ZMIZ1: variants seen among roughly 807,000 people sequenced by gnomAD.
ZMIZ1 encodes the protein zinc finger MIZ domain-containing protein 1.
ZMIZ1 carries 17 observed loss-of-function variants against 113.9 expected under a neutral mutation model. That is an observed-to-expected ratio of 0.15 (90% CI 0.10 to 0.22). The LOEUF is 0.22. Among genes scored for constraint, ZMIZ1 ranks in the 10% least tolerant of loss-of-function variants. The probability of loss-of-function intolerance (pLI) is 1.00; values close to 1 mark genes in which losing one functional copy is unlikely to be tolerated. For synonymous variants in ZMIZ1, 607 were observed against 603.1 expected (o/e 1.01, Z -0.09); for missense variants, 1,059 against 1,477.8 (o/e 0.72, Z 4.65).
chr10:79,259,620 T>C (rs1012282249), intron 7 of ZMIZ1, among the ~76,000 whole-genome samples: 2 of 150,586 alleles, frequency 1.3e-5, no homozygotes, highest in East Asian at 1.9e-4. Context: ...TCACCTTCTT[T>C]TTTTTTTTTT....
intron 8 of ZMIZ1, among the ~76,000 whole-genome samples, chr10:79,288,896 A>G (rs1853274989): frequency 6.6e-6 from 1 of 152,170 alleles, no homozygotes; most frequent in Non-Finnish European, 1.5e-5. Flanking sequence ...GATGTCCACA[A>G]ACGTGGTGGG....
At chr10:79,289,441 G>A (rs1020880992) in intron 8 of ZMIZ1, among the ~76,000 whole-genome samples, 15 of 152,188 alleles carry the variant, frequency 9.9e-5, no homozygotes, top group South Asian at 6.2e-4. Flanking sequence ...GTCAGAGCCC[G>A]GGTGAAGGAG....
Position 79,316,247 on chromosome 10 carries a change from A to G in ZMIZ1, c.*3498A>G, listed in dbSNP as rs1855527335. The G allele has an allele frequency of 6.6e-6, 1 of 152,610 alleles. No individual in the cohort carries two copies. Among genetic ancestry groups the G allele is most frequent in the South Asian group, 2.1e-4 (1 of 4,836 alleles). 9.5% of individuals were successfully genotyped at this position (152,610 alleles called of 1,614,324 possible). On this transcript the variant is annotated 3_prime_UTR_variant, in exon 25 of 25. Transcript: ENST00000334512. ...ATCGTCTTTGTACATCGTATGTACA[A>G]TGCAATCATTTCATACTTTAAACTG...
At chr10:79,289,342 C>G (rs749859627) in intron 8 of ZMIZ1, among the ~76,000 whole-genome samples, 1 of 152,164 alleles carries the variant, frequency 6.6e-6, no homozygotes, top group Admixed American at 6.5e-5. Flanking sequence ...AGACTCGGAC[C>G]CTTCCAGCCT....
At chr10:79,070,836 G>GCCTC (rs34754058) in intron 1 of ZMIZ1, among the ~76,000 whole-genome samples, 8,359 of 150,040 alleles carry the variant, frequency 0.056, 369 homozygotes, top group East Asian at 0.17. Flanking sequence ...CTGCCCGCCT[G>GCCTC]CCTCCCTCCC....
chr10:79,154,400 C>T (rs1845823089), intron 3 of ZMIZ1, among the ~76,000 whole-genome samples: 1 of 152,100 alleles, frequency 6.6e-6, no homozygotes, highest in Non-Finnish European at 1.5e-5. Flanking sequence ...GGGCAGCCCT[C>T]AGAAGCATAG....
chr10:79,305,437 CA>C (rs1282598883), intron 20 of ZMIZ1, 95 bp from the exon 21 acceptor site: 5 of 1,402,114 alleles, frequency 3.6e-6, no homozygotes, highest in African/African-American at 1.4e-5. Context: ...TAACCAGCAG[CA>C]GGGGTGGGAC....
At chr10:79,165,242 C>G (rs1319052568) in intron 4 of ZMIZ1, among the ~76,000 whole-genome samples, 1 of 152,160 alleles carries the variant, frequency 6.6e-6, no homozygotes, top group Non-Finnish European at 1.5e-5. Context: ...GTTCTCCAAG[C>G]CTTCCTCCCC....
chr10:79,201,743 G>A, intron 5 of ZMIZ1, 51 bp downstream of exon 5: 1 of 1,595,812 alleles, frequency 6.3e-7, no homozygotes, highest in Non-Finnish European at 8.5e-7. Context: ...GGGGCGGGCT[G>A]CAGCAGCAGG....
rs57304757 is a variant in ZMIZ1 at position 79,114,506 on chromosome 10, C to CGTGTGTGTGTGT, written c.-336-4385_-336-4374dup. 8.6e-3 allele frequency among the ~76,000 whole-genome samples: 798 copies of CGTGTGTGTGTGT among 93,210 alleles called. 29 individuals are homozygous for CGTGTGTGTGTGT. Among genetic ancestry groups the CGTGTGTGTGTGT allele is most frequent in the African/African-American group, 0.035 (744 of 21,470 alleles). 61.1% of individuals were successfully genotyped at this position (93,210 alleles called of 152,430 possible). On this transcript the variant is annotated intron_variant, in intron 1 of 24. Coordinates refer to ENST00000334512, the MANE Select transcript of ZMIZ1 (RefSeq NM_020338.4). ...GTGTGTGTGTGTGCGTGTGTGTGTG[C>CGTGTGTGTGTGT]GTGTGTGTGTGTGTGTGTGTGTGTG... is the stretch of plus-strand genomic sequence containing the variant.
intron 23 of ZMIZ1, among the ~76,000 whole-genome samples, chr10:79,309,511 G>C (rs942790): frequency 0.79 from 119,874 of 152,132 alleles, 47,744 homozygotes; most frequent in African/African-American, 0.88. Flanking sequence ...GTCTCCAGCA[G>C]CACCGTTGCG....
intron 5 of ZMIZ1, among the ~76,000 whole-genome samples, chr10:79,205,474 C>G (rs1482274482): frequency 6.6e-6 from 1 of 152,230 alleles, no homozygotes; most frequent in Non-Finnish European, 1.5e-5. Flanking sequence ...GAGGCTGTTT[C>G]TCCCCTCAGG....
At chr10:79,236,233 C>G (rs1001778728) in intron 7 of ZMIZ1, among the ~76,000 whole-genome samples, 1 of 152,206 alleles carries the variant, frequency 6.6e-6, no homozygotes, top group African/African-American at 2.4e-5. Flanking sequence ...TCACTTTCTT[C>G]CGCTGCAAAG....
chr10:79,085,762 AT>A (rs1474432910), intron 1 of ZMIZ1, among the ~76,000 whole-genome samples: 1 of 152,214 alleles, frequency 6.6e-6, no homozygotes, highest in Non-Finnish European at 1.5e-5. Flanking sequence ...TGAGACTCTT[AT>A]TCTGGGAATG....
intron 4 of ZMIZ1, among the ~76,000 whole-genome samples, chr10:79,163,266 C>A (rs976021833): frequency 4.6e-5 from 7 of 152,232 alleles, no homozygotes; most frequent in African/African-American, 1.4e-4. Flanking sequence ...GCCAGGCGAG[C>A]CTCAGTCAAG....
At chr10:79,303,021 C>G (rs528788409) in intron 18 of ZMIZ1, among the ~76,000 whole-genome samples, 1 of 152,180 alleles carries the variant, frequency 6.6e-6, no homozygotes, top group East Asian at 2.0e-4. Flanking sequence ...ACCACCGCAC[C>G]TGGCTAATTT....
At chr10:79,181,203 C>G (rs1589386676) in intron 4 of ZMIZ1, among the ~76,000 whole-genome samples, 1 of 152,136 alleles carries the variant, frequency 6.6e-6, no homozygotes, top group Non-Finnish European at 1.5e-5. Context: ...TCCTGATGGC[C>G]CTTCCCAGTG....
chr10:79,095,521 G>A (rs955497697), intron 1 of ZMIZ1, among the ~76,000 whole-genome samples: 2 of 152,194 alleles, frequency 1.3e-5, no homozygotes, highest in Non-Finnish European at 2.9e-5. Flanking sequence ...GCCTTTCCGG[G>A]TGTCAGGCAG....
At chr10:79,254,992 A>G (rs1292207681) in intron 7 of ZMIZ1, among the ~76,000 whole-genome samples, 1 of 152,012 alleles carries the variant, frequency 6.6e-6, no homozygotes. Context: ...GCCTACTCGC[A>G]CCCCGCAGGG....
Sources: allele counts gnomAD v4.1 joint callset (sites outside exome capture counted in the v4.1 genomes callset), GRCh38; gene constraint gnomAD v4.1.1; transcripts MANE v1.5; gene names NCBI Gene and HGNC (gene_info 2026-07-23, HGNC 2026-07-21).